Variants in FIZ1 observed in about 807,000 individuals in gnomAD.
FIZ1 encodes the protein FLT3 interacting zinc finger 1, also known as flt3-interacting zinc finger protein 1.
Under a neutral mutation model 5.3 loss-of-function variants are expected in FIZ1, and 2 were observed. That is an observed-to-expected ratio of 0.37 (90% CI 0.15 to 1.18). The LOEUF (loss-of-function observed/expected upper bound fraction) is 1.18. FIZ1 is among the 50% of genes most tolerant of loss of function. The pLI is 0.37. For missense variants in FIZ1, 631 were observed against 749.7 expected, an observed-to-expected ratio of 0.84 and a Z score of 1.85; for synonymous variants, 407 against 364.2, an observed-to-expected ratio of 1.12 and a Z score of -1.34.
In FIZ1 at chr19:55,592,931, G is replaced by A; in HGVS notation, c.1010C>T (p.Thr337Ile). Reference protein sequence around the residue: ...EDTLYQCDCGTFFASAAALAS... With the variant: ...EDTLYQCDCGIFFASAAALAS... The stretch of plus-strand genomic sequence containing the variant: ...CAGGGCCGCGGCCGACGCAAAGAAG[G>A]TCCCGCAGTCGCACTGGTACAGGGT... The change falls in exon 3 of 3, where the codon ACC (threonine) becomes ATC (isoleucine). Residue 337 changes from threonine (T) to isoleucine (I), a missense_variant. Physicochemically the swap from Thr to Ile is moderately conservative, Grantham distance 89. Transcript: ENST00000221665. This position sits in a 1 kb window ranked among gnomAD's most constrained non-coding sequence, Gnocchi z 6.9. 2 of 1,555,854 alleles carry A rather than the reference G, an allele frequency of 1.3e-6. No individual in the cohort carries two copies. The highest frequency in any genetic ancestry group is 1.7e-6 in the Non-Finnish European group (2 of 1,158,860).
rs1980028091 is a variant in FIZ1, at chr19:55,592,065, G to C, written c.*385C>G. On this transcript the variant is annotated 3_prime_UTR_variant, in exon 3 of 3. Transcript: ENST00000221665. This position sits in a 1 kb window ranked among gnomAD's most constrained non-coding sequence, Gnocchi z 6.9. Reference sequence around the variant, plus strand: ...TCAGGGAATGGGGCAGTCTTCCCTTGGTGGGGGTGGGTGCCCATCTTTTAG... The same window carrying C: ...TCAGGGAATGGGGCAGTCTTCCCTTCGTGGGGGTGGGTGCCCATCTTTTAG... 1 of 204,564 alleles carries C rather than the reference G, an allele frequency of 4.9e-6. No homozygotes were observed. The highest frequency in any genetic ancestry group is 9.7e-6 in the Non-Finnish European group (1 of 103,178). The allele number at this position is 204,564 out of a possible 1,614,324, so 12.7% of individuals were successfully genotyped here. A position where few individuals can be genotyped will look rare whatever the true frequency, so the allele number is the denominator to read the frequency against.
intron 2 of FIZ1, among the ~76,000 whole-genome samples, chr19:55,594,249 C>A (rs1980205043): frequency 6.6e-6 from 1 of 151,878 alleles, no homozygotes; most frequent in Non-Finnish European, 1.5e-5. Flanking sequence ...ATTACCCGGG[C>A]CTGGTGGCGG....
Position 55,592,333 on chromosome 19 carries a change from G to A in FIZ1, c.*117C>T. On this transcript the variant is annotated 3_prime_UTR_variant, in exon 3 of 3. Coordinates refer to ENST00000221665, the MANE Select transcript of FIZ1 (RefSeq NM_032836.3). The surrounding 1 kb of genome is among the most constrained non-coding windows in gnomAD (Gnocchi z 6.9). ...TCCAGTCAGGGTCCCCTCATTTCAG[G>A]GCCTGCGTCTGGATTTGGATTTGGA... 9.2e-7 allele frequency: 1 copy of A among 1,085,766 alleles called. No homozygotes were observed. The highest frequency in any genetic ancestry group is 1.7e-5 in the South Asian group (1 of 59,738). The allele number at this position is 1,085,766 out of a possible 1,614,324, so 67.3% of individuals were successfully genotyped here.
intron 2 of FIZ1, among the ~76,000 whole-genome samples, chr19:55,594,524 C>G (rs1464009269): frequency 1.3e-5 from 2 of 151,350 alleles, no homozygotes; most frequent in African/African-American, 2.4e-5. Context: ...GGTGAAACCC[C>G]GTCTCTACTA....
chr19:55,599,114 C>T (rs1276686659), intron 1 of FIZ1: 2 of 152,520 alleles, frequency 1.3e-5, no homozygotes, highest in Non-Finnish European at 2.9e-5. Flanking sequence ...TCTATCCAGA[C>T]TCTCCCTCCT....
Position 55,593,178 on chromosome 19 carries a change from G to A in FIZ1, c.763C>T (p.Pro255Ser), listed in dbSNP as rs2123550830. ...RHKLTHDLQG[P>S]GAPPAQAWAA... The stretch of plus-strand genomic sequence containing the variant: ...CAGGCCTGCGCTGGGGGCGCGCCCG[G>A]GCCCTGCAGGTCGTGCGTCAGCTTG... The change falls in exon 3 of 3, where the codon CCG becomes TCG. Residue 255 changes from proline to serine, a missense_variant. By Grantham distance (74) the Pro-to-Ser change is moderately conservative. Coordinates refer to ENST00000221665, the MANE Select transcript of FIZ1 (RefSeq NM_032836.3). The surrounding 1 kb of genome is among the most constrained non-coding windows in gnomAD (Gnocchi z 6.3). The A allele has an allele frequency of 3.4e-6, 4 of 1,171,612 alleles. No homozygotes were observed. The highest frequency in any genetic ancestry group is 2.4e-5 in the South Asian group (1 of 41,030). The allele number at this position is 1,171,612 out of a possible 1,614,324, so 72.6% of individuals were successfully genotyped here.
At position 55,593,221 on chromosome 19, in the gene FIZ1, G is replaced by C. The variant is rs750308025; in HGVS notation, c.720C>G (p.Pro240=). 8.1e-7 allele frequency: 1 copy of C among 1,232,538 alleles called. No homozygotes were observed. 76.4% of individuals were successfully genotyped at this position (1,232,538 alleles called of 1,614,324 possible). Residue 240 remains proline, a synonymous_variant, in exon 3 of 3, where the codon CCC becomes CCG. Transcript: ENST00000221665. The surrounding 1 kb of genome is among the most constrained non-coding windows in gnomAD (Gnocchi z 6.3). Reference sequence around the variant, plus strand: ...TCAGCTTGTGCCGCTCCAGCAGCGCGGGCGCGTTGAAGTCGCGCTCGCAGC... The same window carrying C: ...TCAGCTTGTGCCGCTCCAGCAGCGCCGGCGCGTTGAAGTCGCGCTCGCAGC... ...CPRCERDFNA[P]ALLERHKLTH...
intron 2 of FIZ1, 66 bp downstream of exon 2, chr19:55,597,506 G>A: frequency 6.5e-7 from 1 of 1,537,056 alleles, no homozygotes; most frequent in African/African-American, 1.4e-5. Context: ...AGAGTACAGT[G>A]GGGCGCGGGA....
At chr19:55,596,266 G>A (rs1276543640) in intron 2 of FIZ1, among the ~76,000 whole-genome samples, 4 of 152,146 alleles carry the variant, frequency 2.6e-5, no homozygotes, top group African/African-American at 9.7e-5. Flanking sequence ...AGACCACTGA[G>A]AAAGCCGGGG....
At chr19:55,597,451 G>A in intron 2 of FIZ1, 121 bp downstream of exon 2, 5 of 1,435,644 alleles carry the variant, frequency 3.5e-6, no homozygotes, top group Non-Finnish European at 4.6e-6. Context: ...ATTTTCTAAT[G>A]GGAGGAGGCG....
rs1197773494 is a variant in FIZ1, at chr19:55,593,418, C to T, written c.523G>A (p.Glu175Lys). The change falls in exon 3 of 3, where the codon GAG becomes AAG. Residue 175 changes from glutamate (E) to lysine (K), a missense_variant. Around this residue, in one of 4 missense-constraint regions of FIZ1, gnomAD observed 463 missense variants for 455.1 expected, o/e 1.02. Coordinates refer to ENST00000221665, the MANE Select transcript of FIZ1 (RefSeq NM_032836.3). The surrounding 1 kb of genome is among the most constrained non-coding windows in gnomAD (Gnocchi z 6.3). ...GSGAGGGEGP[E>K]GAGAGLGSWG... is the part of the protein sequence containing the mutation. Reference sequence around the variant, plus strand: ...CTGCCCAGACCCGCGCCTGCCCCCTCGGGGCCCTCTCCGCCGCCGGCCCCT... The same window carrying T: ...CTGCCCAGACCCGCGCCTGCCCCCTTGGGGCCCTCTCCGCCGCCGGCCCCT... The T allele has an allele frequency of 4.0e-6, 6 of 1,504,028 alleles. No homozygotes were observed. The highest frequency in any genetic ancestry group is 3.5e-6 in the Non-Finnish European group (4 of 1,130,562). 93.2% of individuals were successfully genotyped at this position (1,504,028 alleles called of 1,614,324 possible). A position where few individuals can be genotyped will look rare whatever the true frequency, so the allele number is the denominator to read the frequency against.
intron 2 of FIZ1, among the ~76,000 whole-genome samples, chr19:55,594,398 C>CAAAA (rs1209856747): frequency 1.6e-5 from 1 of 63,786 alleles, no homozygotes. Flanking sequence ...GACTCTGTCT[C>CAAAA]AAAAAAAAAA....
intron 2 of FIZ1, among the ~76,000 whole-genome samples, chr19:55,596,585 C>G (rs1980337372): frequency 9.2e-6 from 1 of 109,058 alleles, no homozygotes; most frequent in African/African-American, 3.7e-5. Flanking sequence ...CAGGTTGGCT[C>G]AGGTATCACC....
In FIZ1 at chr19:55,592,801, G is replaced by C; in HGVS notation, c.1140C>G (p.Ser380Arg). Residue 380 changes from serine (S) to arginine (R), a missense_variant, in exon 3 of 3, where the codon AGC (serine) becomes AGG (arginine). Ser to Arg is a moderately radical substitution (Grantham distance 110). Transcript: ENST00000221665. This position sits in a 1 kb window ranked among gnomAD's most constrained non-coding sequence, Gnocchi z 6.9. ...LAALEEHRRV[S>R]HGEGGGEEAA... ...CCTCCTCCCCGCCGCCCTCACCGTG[G>C]CTGACCCGCCGGTGCTCCTCCAAGG... 1 of 1,584,496 alleles carries C rather than the reference G, an allele frequency of 6.3e-7. No homozygotes were observed. The highest frequency in any genetic ancestry group is 8.5e-7 in the Non-Finnish European group (1 of 1,170,322).
At chr19:55,594,078 A>G (rs1276844283) in intron 2 of FIZ1, among the ~76,000 whole-genome samples, 2 of 151,686 alleles carry the variant, frequency 1.3e-5, no homozygotes, top group African/African-American at 4.9e-5. Context: ...ACAGGGTGAG[A>G]CTGTGTCTCA....
rs924998225 is a variant in FIZ1, at chr19:55,592,041, C to T, written c.*409G>A. On this transcript the variant is annotated 3_prime_UTR_variant, in exon 3 of 3. Transcript: ENST00000221665. The surrounding 1 kb of genome is among the most constrained non-coding windows in gnomAD (Gnocchi z 6.9). ...CAAGGTCGTTAGGAATGATGGCTCT[C>T]AGGGAATGGGGCAGTCTTCCCTTGG... 3.7e-5 allele frequency: 7 copies of T among 187,354 alleles called. No homozygotes were observed. Among genetic ancestry groups the T allele is most frequent in the Non-Finnish European group, 6.5e-5 (6 of 92,148 alleles). 11.6% of individuals were successfully genotyped at this position (187,354 alleles called of 1,614,324 possible).
intron 2 of FIZ1, among the ~76,000 whole-genome samples, chr19:55,594,044 T>G (rs1980191729): frequency 6.6e-6 from 1 of 151,574 alleles, no homozygotes; most frequent in Non-Finnish European, 1.5e-5. Context: ...GCCGTGACCA[T>G]GCCACCACAT....
At chr19:55,597,433 G>A in intron 2 of FIZ1, 139 bp downstream of exon 2, 18 of 1,424,202 alleles carry the variant, frequency 1.3e-5, no homozygotes, top group Non-Finnish European at 1.6e-5. Context: ...TGGTAGGGAG[G>A]GAGGGACATT....
chr19:55,593,056 C>A lies in FIZ1; in HGVS notation c.885G>T (p.Leu295=). The A allele has an allele frequency of 7.3e-7, 1 of 1,377,238 alleles. No individual in the cohort carries two copies. Among genetic ancestry groups the A allele is most frequent in the Non-Finnish European group, 9.3e-7 (1 of 1,075,072 alleles). 85.3% of individuals were successfully genotyped at this position (1,377,238 alleles called of 1,614,324 possible). The change falls in exon 3 of 3, where the codon CTG becomes CTT. Residue 295 remains leucine, a synonymous_variant. Coordinates refer to ENST00000221665, the MANE Select transcript of FIZ1 (RefSeq NM_032836.3). The surrounding 1 kb of genome is among the most constrained non-coding windows in gnomAD (Gnocchi z 6.3). ...APLASDRRLL[L]GPAGGGVPKL... The stretch of plus-strand genomic sequence containing the variant: ...TGGGCACGCCGCCCCCCGCGGGGCC[C>A]AGGAGCAGCCTGCGGTCCGAAGCCA...
Sources: allele counts gnomAD v4.1 joint callset (sites outside exome capture counted in the v4.1 genomes callset), GRCh38; gene constraint gnomAD v4.1.1; regional missense constraint gnomAD v4.1.1; non-coding constraint Gnocchi (gnomAD v3.1); transcripts MANE v1.5; gene names NCBI Gene and HGNC (gene_info 2026-07-23, HGNC 2026-07-21).